Variants in GCLC observed in about 807,000 individuals in gnomAD.
GCLC encodes the protein glutamate-cysteine ligase catalytic subunit, also known as glutamate--cysteine ligase catalytic subunit.
In GCLC, 30 loss-of-function variants were observed where a neutral mutation model predicts 81.5. That is an observed-to-expected ratio of 0.37 (90% CI 0.28 to 0.50). The LOEUF (loss-of-function observed/expected upper bound fraction) is 0.50. Ranked by LOEUF, GCLC falls within the 20% of genes least tolerant of loss-of-function variation. GCLC has a pLI of 0.96. For missense variants in GCLC, 556 were observed against 777.4 expected (o/e 0.72, Z 3.39); for synonymous variants, 262 against 273.3 (o/e 0.96, Z 0.41).
At chr6:53,527,237 G>A (rs1396695959) in intron 1 of GCLC, among the ~76,000 whole-genome samples, 1 of 152,198 alleles carries the variant, frequency 6.6e-6, no homozygotes, top group East Asian at 1.9e-4. Context: ...GTGCAGGGCA[G>A]GGTCTTCAGA....
chr6:53,522,679 T>C, intron 1 of GCLC, 152 bp from the exon 2 acceptor site: 1 of 605,644 alleles, frequency 1.7e-6, no homozygotes, highest in South Asian at 1.8e-5. Context: ...CACATAAGTG[T>C]TCATATGCAT....
Position 53,497,975 on chromosome 6 carries a change from C to A in GCLC, c.*781G>T, listed in dbSNP as rs1764405521. 2 of 149,738 alleles carry A rather than the reference C, an allele frequency of 1.3e-5. No individual in the cohort carries two copies. Among genetic ancestry groups the A allele is most frequent in the Admixed American group, 1.3e-4 (2 of 14,992 alleles). 9.3% of individuals were successfully genotyped at this position (149,738 alleles called of 1,614,324 possible). ...GTATAGGAAGAAAAATGATTGCCAC[C>A]CCCCACCCCTGCCGCCAACTTTTTT... On this transcript the variant is annotated 3_prime_UTR_variant, in exon 16 of 16. Transcript: ENST00000650454.
intron 1 of GCLC, among the ~76,000 whole-genome samples, chr6:53,541,679 A>T (rs904041418): frequency 6.6e-6 from 1 of 152,168 alleles, no homozygotes; most frequent in African/African-American, 2.4e-5. Flanking sequence ...GAAAGGATAG[A>T]TCATAAAACA....
intron 12 of GCLC, 99 bp downstream of exon 12, chr6:53,505,293 C>A: frequency 1.4e-6 from 1 of 716,586 alleles, no homozygotes; most frequent in Non-Finnish European, 2.6e-6. Context: ...AAAGGGTAAA[C>A]AATTTCAAAT....
At chr6:53,504,202 T>C (rs964724717) in intron 12 of GCLC, among the ~76,000 whole-genome samples, 1 of 144,742 alleles carries the variant, frequency 6.9e-6, no homozygotes, top group East Asian at 2.1e-4. Flanking sequence ...TTTTAAAAAA[T>C]AGTAATTCTT....
chr6:53,507,536 T>C lies in GCLC; in HGVS notation c.1028A>G (p.Tyr343Cys), dbSNP rs1430785506. 2 of 1,600,774 alleles carry C rather than the reference T, an allele frequency of 1.2e-6. No homozygotes were observed. Among genetic ancestry groups the C allele is most frequent in the Non-Finnish European group, 8.6e-7 (1 of 1,168,034 alleles). ...ATCTATCGTCAAGTCGATGTCATTA[T>C]ATTTCTCACCACACTTAGATAAATA... is the stretch of plus-strand genomic sequence containing the variant. ...DSYLSKCGEK[Y>C]NDIDLTIDKE... Residue 343 changes from tyrosine to cysteine, a missense_variant, in exon 9 of 16, where the codon TAT (tyrosine) becomes TGT (cysteine). Physicochemically the swap from Tyr to Cys is radical, Grantham distance 194. Around this residue, in one of 3 missense-constraint regions of GCLC, gnomAD observed 313 missense variants for 437.3 expected, o/e 0.72. Transcript: ENST00000650454.
intron 6 of GCLC, among the ~76,000 whole-genome samples, chr6:53,510,924 C>G (rs1032319125): frequency 2.0e-5 from 3 of 152,126 alleles, no homozygotes; most frequent in Non-Finnish European, 4.4e-5. Context: ...AAAGTAGACA[C>G]AAATTGATAA....
intron 1 of GCLC, among the ~76,000 whole-genome samples, chr6:53,530,871 C>T (rs1271842023): frequency 6.6e-6 from 1 of 152,194 alleles, no homozygotes; most frequent in Non-Finnish European, 1.5e-5. Flanking sequence ...TCTTTCTTCT[C>T]TTCCTCGCCA....
chr6:53,520,049 T>C (rs1278758605), intron 3 of GCLC, among the ~76,000 whole-genome samples: 2 of 152,204 alleles, frequency 1.3e-5, no homozygotes, highest in Non-Finnish European at 2.9e-5. Context: ...ACTGTCACCA[T>C]CTGACAGACA....
chr6:53,522,505 A>G lies in GCLC; in HGVS notation c.173T>C (p.Phe58Ser). The G allele has an allele frequency of 1.2e-6, 2 of 1,605,174 alleles. No homozygotes were observed. Among genetic ancestry groups the G allele is most frequent in the Non-Finnish European group, 1.7e-6 (2 of 1,171,990 alleles). ...GDEVEYMLVS[F>S]DHENKKVRLV... ...CCGGACTTTTTTATTTTCATGATCA[A>G]AAGATACCAACATGTATTCCACCTA... is the stretch of plus-strand genomic sequence containing the variant. The change falls in exon 2 of 16, where the codon TTT (phenylalanine) becomes TCT (serine). Residue 58 changes from phenylalanine (F) to serine (S), a missense_variant. Around this residue, in one of 3 missense-constraint regions of GCLC, gnomAD observed 234 missense variants for 303.8 expected, o/e 0.77. Coordinates refer to ENST00000650454, the MANE Select transcript of GCLC (RefSeq NM_001498.4).
chr6:53,502,226 G>A (rs898333848), intron 12 of GCLC, among the ~76,000 whole-genome samples: 3 of 151,766 alleles, frequency 2.0e-5, no homozygotes, highest in African/African-American at 4.8e-5. Context: ...TATTAACCAT[G>A]CCTTTAATTC....
At chr6:53,535,815 C>T (rs879578092) in intron 1 of GCLC, among the ~76,000 whole-genome samples, 12 of 152,140 alleles carry the variant, frequency 7.9e-5, no homozygotes, top group Non-Finnish European at 1.2e-4. Context: ...CTGCCCATAC[C>T]GGTGTTAACA....
At chr6:53,514,065 G>A (rs910116103) in intron 6 of GCLC, 139 bp downstream of exon 6, 1 of 759,822 alleles carries the variant, frequency 1.3e-6, no homozygotes, top group Non-Finnish European at 2.2e-6. Flanking sequence ...ATAACTTCAT[G>A]TTTTTCAGAA....
intron 6 of GCLC, among the ~76,000 whole-genome samples, chr6:53,512,107 T>C (rs621571): frequency 6.6e-6 from 1 of 151,378 alleles, no homozygotes; most frequent in Non-Finnish European, 1.5e-5. Flanking sequence ...TGCCACCAGG[T>C]CTAATTTTTG....
At chr6:53,515,753 G>C (rs1170958092) in intron 4 of GCLC, among the ~76,000 whole-genome samples, 1 of 149,468 alleles carries the variant, frequency 6.7e-6, no homozygotes, top group East Asian at 2.0e-4. Context: ...CTGATGGTTA[G>C]AGAGGACAAA....
intron 1 of GCLC, 187 bp from the exon 2 acceptor site, chr6:53,522,714 C>T (rs938722573): frequency 3.8e-6 from 2 of 532,904 alleles, no homozygotes. Context: ...TAGAAAGGAT[C>T]AGTCAGTAGT....
chr6:53,537,216 CCT>C (rs1042112592), intron 1 of GCLC, among the ~76,000 whole-genome samples: 5 of 152,190 alleles, frequency 3.3e-5, no homozygotes, highest in Admixed American at 1.3e-4. Flanking sequence ...GTGCTCTCCC[CCT>C]CTCTCTCTAG....
chr6:53,530,674 C>T (rs777754278), intron 1 of GCLC, among the ~76,000 whole-genome samples: 5 of 152,046 alleles, frequency 3.3e-5, no homozygotes, highest in Admixed American at 6.6e-5. Context: ...TCCTGCAGAC[C>T]GAGAATTTTA....
chr6:53,538,284 T>TCC (rs1033630081), intron 1 of GCLC, among the ~76,000 whole-genome samples: 4 of 151,294 alleles, frequency 2.6e-5, no homozygotes, highest in African/African-American at 9.7e-5. Flanking sequence ...CCCAAGTAGC[T>TCC]GGGATTACAG....
Sources: allele counts gnomAD v4.1 joint callset (sites outside exome capture counted in the v4.1 genomes callset), GRCh38; gene constraint gnomAD v4.1.1; regional missense constraint gnomAD v4.1.1; transcripts MANE v1.5; gene names NCBI Gene and HGNC (gene_info 2026-07-23, HGNC 2026-07-21).